LRRC9: variants seen among roughly 807,000 people sequenced by gnomAD.
LRRC9 encodes the protein leucine rich repeat containing 9, also known as leucine-rich repeat-containing protein 9.
Under a neutral mutation model 63.2 loss-of-function variants are expected in LRRC9, and 122 were observed. That is an observed-to-expected ratio of 1.93 (90% confidence interval 1.67 to 2.24). The LOEUF (loss-of-function observed/expected upper bound fraction) is 2.24. LRRC9 is among the 30% of genes most tolerant of loss of function. LRRC9 has a pLI of 0.00. For missense variants in LRRC9, 1,071 were observed against 627.7 expected, an observed-to-expected ratio of 1.71 and a Z score of -7.55; for synonymous variants, 366 against 213.1, an observed-to-expected ratio of 1.72 and a Z score of -6.25.
chr14:59,940,325 G>A (rs1225402462), intron 7 of LRRC9, among the ~76,000 whole-genome samples: 1 of 151,962 alleles, frequency 6.6e-6, no homozygotes, highest in Non-Finnish European at 1.5e-5. Flanking sequence ...TTAATTTATG[G>A]ATTGATATAG....
At chr14:60,039,453 T>C (rs1221010864) in intron 29 of LRRC9, among the ~76,000 whole-genome samples, 2 of 152,174 alleles carry the variant, frequency 1.3e-5, no homozygotes, top group Non-Finnish European at 2.9e-5. Context: ...CTTTTATTGG[T>C]CTATTCAGGG....
chr14:60,035,744 C>G (rs886666270), intron 29 of LRRC9, among the ~76,000 whole-genome samples: 22 of 152,256 alleles, frequency 1.4e-4, no homozygotes, highest in African/African-American at 5.1e-4. Flanking sequence ...GTTACTATAG[C>G]TTTGTAATAA....
intron 8 of LRRC9, among the ~76,000 whole-genome samples, chr14:59,947,234 GA>G (rs1352045344): frequency 6.7e-6 from 1 of 149,556 alleles, no homozygotes; most frequent in African/African-American, 2.5e-5. Flanking sequence ...TAGTGGTTTT[GA>G]TTTGCATTTC....
At chr14:59,992,888 A>G (rs975951963) in intron 17 of LRRC9, among the ~76,000 whole-genome samples, 2 of 152,356 alleles carry the variant, frequency 1.3e-5, no homozygotes, top group Non-Finnish European at 2.9e-5. Flanking sequence ...ACTCTGCAGG[A>G]TATTATCCAG....
At chr14:60,047,595 C>T (rs1281619643) in intron 29 of LRRC9, among the ~76,000 whole-genome samples, 2 of 152,144 alleles carry the variant, frequency 1.3e-5, no homozygotes, top group Non-Finnish European at 2.9e-5. Context: ...TCAACAAGAG[C>T]TAACTATCCT....
chr14:59,957,780 A>T (rs184555352), intron 8 of LRRC9, among the ~76,000 whole-genome samples: 7 of 152,064 alleles, frequency 4.6e-5, no homozygotes, highest in Admixed American at 4.6e-4. Flanking sequence ...TTTACCTTTG[A>T]TCTTTGAGGC....
At chr14:60,040,180 C>CTA (rs1405615195) in intron 29 of LRRC9, among the ~76,000 whole-genome samples, 4 of 151,900 alleles carry the variant, frequency 2.6e-5, no homozygotes, top group African/African-American at 9.7e-5. Context: ...TTACTTCCAA[C>CTA]TATGTGGTAC....
intron 3 of LRRC9, among the ~76,000 whole-genome samples, chr14:59,929,850 C>A (rs577151169): frequency 6.6e-6 from 1 of 152,172 alleles, no homozygotes; most frequent in East Asian, 1.9e-4. Flanking sequence ...CACCTGTTCT[C>A]ATTTAGAAGT....
rs1227755067 is a variant in LRRC9 at position 59,927,375 on chromosome 14, C to T, written c.-33-536C>T. Among the ~76,000 whole-genome samples the T allele has an allele frequency of 6.6e-6, 1 of 151,976 alleles. No homozygotes were observed. Among genetic ancestry groups the T allele is most frequent in the Non-Finnish European group, 1.5e-5 (1 of 67,914 alleles). On this transcript the variant is annotated intron_variant, in intron 1 of 31. Coordinates refer to ENST00000445360, the Ensembl canonical transcript of LRRC9. The surrounding 1 kb of genome is among the most constrained non-coding windows in gnomAD (Gnocchi z 4.4). ...TGAAGTATTAGTTGGTTCATATTCT[C>T]TAGAATGAAGGAGAAGTTGGAGTAT...
rs1451414796 is a variant in LRRC9 at position 60,003,909 on chromosome 14, C to A, written c.2842+111C>A. Reference sequence around the variant, plus strand: ...AAGAGGAAGATCTCTAGGAAAGTTCCAAGTTTTTGTGGCAGGGTATTCTAA... The same window carrying A: ...AAGAGGAAGATCTCTAGGAAAGTTCAAAGTTTTTGTGGCAGGGTATTCTAA... On this transcript the variant is annotated intron_variant, in intron 21 of 31. Coordinates refer to ENST00000445360, the Ensembl canonical transcript of LRRC9. The surrounding 1 kb of genome is among the most constrained non-coding windows in gnomAD (Gnocchi z 4.2). The A allele has an allele frequency of 3.9e-6, 2 of 511,860 alleles. No homozygotes were observed. The highest frequency in any genetic ancestry group is 6.2e-5 in the East Asian group (2 of 32,020). The allele number at this position is 511,860 out of a possible 1,614,324, so 31.7% of individuals were successfully genotyped here. A position where few individuals can be genotyped will look rare whatever the true frequency, so the allele number is the denominator to read the frequency against.
intron 1 of LRRC9, among the ~76,000 whole-genome samples, chr14:59,920,779 C>T (rs1051783303): frequency 2.0e-5 from 3 of 152,220 alleles, no homozygotes; most frequent in Non-Finnish European, 4.4e-5. Context: ...CCTTTTTACT[C>T]TATCATTATA....
rs1893877425 is a variant in LRRC9 at position 60,051,382 on chromosome 14, T to G, written c.3991-1683T>G. On this transcript the variant is annotated intron_variant, in intron 29 of 31. Transcript: ENST00000445360. The surrounding 1 kb of genome is among the most constrained non-coding windows in gnomAD (Gnocchi z 4.7). ...GCATGATCTTGCAAAGCAGGTGTGT[T>G]GCAGTTAGGGGGAACCCTCCTCGTC... Among the ~76,000 whole-genome samples, 1 of 152,168 alleles carries G rather than the reference T, an allele frequency of 6.6e-6. No homozygotes were observed. Among genetic ancestry groups the G allele is most frequent in the Admixed American group, 6.5e-5 (1 of 15,286 alleles).
intron 23 of LRRC9, among the ~76,000 whole-genome samples, chr14:60,008,644 G>T (rs1031053487): frequency 1.3e-5 from 2 of 152,138 alleles, no homozygotes; most frequent in Non-Finnish European, 2.9e-5. Flanking sequence ...TACTAAGTAA[G>T]CTGTAAAGAA....
intron 6 of LRRC9, among the ~76,000 whole-genome samples, chr14:59,933,566 G>T (rs1050853843): frequency 3.3e-5 from 5 of 152,062 alleles, no homozygotes; most frequent in African/African-American, 1.2e-4. Flanking sequence ...AAATAATTTT[G>T]AGTTCATAAG....
In LRRC9 at chr14:59,931,667, C is replaced by A. The variant is rs779531874; in HGVS notation, c.457C>A (p.Leu153Ile). 3 of 698,670 alleles carry A rather than the reference C, an allele frequency of 4.3e-6. No homozygotes were observed. In the South Asian group the frequency reaches 4.5e-5, roughly 10 times the overall value. 43.3% of individuals were successfully genotyped at this position (698,670 alleles called of 1,614,324 possible). ...AAAAGATCTCAACCTTGCTGGAAAT[C>A]TAATAAATAGCATTGGTATGTACTA... is the stretch of plus-strand genomic sequence containing the variant. The change falls in exon 5 of 32, where the codon CTA (leucine) becomes ATA (isoleucine). Residue 153 changes from leucine to isoleucine, a missense_variant. By Grantham distance (5) the Leu-to-Ile change is conservative (BLOSUM62 2). Transcript: ENST00000445360.
intron 8 of LRRC9, among the ~76,000 whole-genome samples, chr14:59,955,692 T>A (rs186317625): frequency 6.5e-4 from 98 of 151,818 alleles, no homozygotes; most frequent in African/African-American, 2.3e-3. Context: ...CTTTTGAATT[T>A]GTTTGCTCTT....
chr14:59,999,132 G>A, exon 19 of LRRC9: 3 of 699,180 alleles, frequency 4.3e-6, no homozygotes, highest in Non-Finnish European at 7.8e-6. Flanking sequence ...GTTATTGGCA[G>A]ATTAAAGACT....
intron 31 of LRRC9, among the ~76,000 whole-genome samples, chr14:60,062,487 T>C (rs974985851): frequency 3.3e-5 from 5 of 152,318 alleles, no homozygotes; most frequent in South Asian, 2.1e-4. Flanking sequence ...ACTACTTTAA[T>C]TGTATCCTCT....
At chr14:60,020,164 A>AT (rs904540162) in intron 26 of LRRC9, among the ~76,000 whole-genome samples, 4 of 151,752 alleles carry the variant, frequency 2.6e-5, no homozygotes, top group Non-Finnish European at 5.9e-5. Context: ...TCTCGCTATA[A>AT]TTTTGCCTTT....
Sources: gnomAD v4.1 joint callset for allele counts (sites outside exome capture counted in the v4.1 genomes callset) on GRCh38, gnomAD v4.1.1 for gene constraint, Gnocchi (gnomAD v3.1) non-coding constraint, MANE v1.5 for transcripts, NCBI Gene and HGNC (gene_info 2026-07-23, HGNC 2026-07-21) for gene names.